SCFD1: variants seen among roughly 807,000 people sequenced by gnomAD.
SCFD1 encodes the protein sec1 family domain containing 1, also known as sec1 family domain-containing protein 1.
SCFD1 carries 37 observed loss-of-function variants against 103.2 expected under a neutral mutation model. The observed-to-expected ratio is 0.36, with a 90% CI of 0.28 to 0.47. The LOEUF is 0.47. Ranked by LOEUF, SCFD1 falls within the 20% of genes least tolerant of loss-of-function variation. The pLI is 1.00. For missense variants in SCFD1, 639 were observed against 761.2 expected, an observed-to-expected ratio of 0.84 and a Z score of 1.89; for synonymous variants, 264 against 245.0, an observed-to-expected ratio of 1.08 and a Z score of -0.73.
At chr14:30,674,675 A>G (rs1198770865) in intron 13 of SCFD1, among the ~76,000 whole-genome samples, 2 of 152,126 alleles carry the variant, frequency 1.3e-5, no homozygotes, top group Non-Finnish European at 2.9e-5. Flanking sequence ...AATGTGTTTT[A>G]GAAATACAGA....
intron 9 of SCFD1, 101 bp from the exon 10 acceptor site, chr14:30,653,388 T>A (rs1886586808): frequency 1.4e-6 from 1 of 729,868 alleles, no homozygotes; most frequent in Non-Finnish European, 2.4e-6. Flanking sequence ...TAGCATACTA[T>A]TATTCATATC....
Position 30,722,560 on chromosome 14 carries a change from G to T in SCFD1, c.1836+1G>T. ...TCAGAATCTTGTTGACTACATAAAG[G>T]TACATTTTATTTAGCCTTTTTATTC... On this transcript the variant is annotated splice_donor_variant, in intron 23 of 24. Coordinates refer to ENST00000458591, the MANE Select transcript of SCFD1 (RefSeq NM_016106.4). LOFTEE classifies it high-confidence loss of function. The T allele has an allele frequency of 6.3e-7, 1 of 1,586,642 alleles. No homozygotes were observed. The highest frequency in any genetic ancestry group is 8.6e-7 in the Non-Finnish European group (1 of 1,162,484).
At chr14:30,668,640 A>C (rs897144164) in intron 10 of SCFD1, among the ~76,000 whole-genome samples, 1 of 152,228 alleles carries the variant, frequency 6.6e-6, no homozygotes, top group Non-Finnish European at 1.5e-5. Flanking sequence ...AAATTTTTAC[A>C]ATCTACCCAT....
intron 3 of SCFD1, among the ~76,000 whole-genome samples, chr14:30,633,672 G>C (rs1237905775): frequency 1.3e-5 from 2 of 152,164 alleles, no homozygotes; most frequent in South Asian, 2.1e-4. Flanking sequence ...CATTCAAGGA[G>C]AGTGTTGGTA....
At chr14:30,632,013 A>C (rs1214429231) in intron 3 of SCFD1, among the ~76,000 whole-genome samples, 1 of 140,866 alleles carries the variant, frequency 7.1e-6, no homozygotes, top group Non-Finnish European at 1.5e-5. Flanking sequence ...GTGACACTAC[A>C]CTCTGGCCTG....
At chr14:30,639,481 T>C (rs1446993226) in intron 5 of SCFD1, among the ~76,000 whole-genome samples, 1 of 152,230 alleles carries the variant, frequency 6.6e-6, no homozygotes, top group Non-Finnish European at 1.5e-5. Context: ...TCAAAATTGA[T>C]ATCCATTCCC....
At chr14:30,668,547 A>G (rs2139193236) in intron 10 of SCFD1, among the ~76,000 whole-genome samples, 1 of 152,296 alleles carries the variant, frequency 6.6e-6, no homozygotes, top group Admixed American at 6.5e-5. Flanking sequence ...AAATAGACAA[A>G]TGGGATCTAA....
At chr14:30,732,645 C>T (rs577537990) in intron 23 of SCFD1, among the ~76,000 whole-genome samples, 18 of 152,138 alleles carry the variant, frequency 1.2e-4, no homozygotes, top group Non-Finnish European at 2.2e-4. Context: ...ACTAAACATG[C>T]GACTATGCCT....
At chr14:30,723,521 AT>A (rs1257160996) in intron 23 of SCFD1, among the ~76,000 whole-genome samples, 6 of 152,050 alleles carry the variant, frequency 3.9e-5, no homozygotes, top group Non-Finnish European at 8.8e-5. Flanking sequence ...CCTAGTACCC[AT>A]TTGTTATTTT....
intron 1 of SCFD1, 113 bp from the exon 2 acceptor site, chr14:30,628,096 C>G (rs1255260466): frequency 1.5e-6 from 1 of 657,672 alleles, no homozygotes; most frequent in Non-Finnish European, 2.6e-6. Flanking sequence ...TTTGGTTAAT[C>G]AGTTTTACTA....
At chr14:30,707,819 G>C (rs1441462673) in intron 18 of SCFD1, 171 bp from the exon 19 acceptor site, 1 of 694,396 alleles carries the variant, frequency 1.4e-6, no homozygotes, top group Non-Finnish European at 2.7e-6. Context: ...AATTGCAGCT[G>C]TGATACCCAT....
intron 13 of SCFD1, among the ~76,000 whole-genome samples, chr14:30,674,693 T>C (rs889898758): frequency 2.0e-5 from 3 of 152,148 alleles, no homozygotes; most frequent in Non-Finnish European, 4.4e-5. Context: ...AGATAACGCA[T>C]GTTTCCATTA....
intron 17 of SCFD1, 69 bp downstream of exon 17, chr14:30,702,444 A>G: frequency 1.1e-6 from 1 of 925,976 alleles, no homozygotes; most frequent in East Asian, 2.6e-5. Context: ...TTCCCAAGAA[A>G]ATGGGAATGC....
chr14:30,668,928 T>C (rs899065279), intron 10 of SCFD1, among the ~76,000 whole-genome samples: 1 of 152,038 alleles, frequency 6.6e-6, no homozygotes, highest in African/African-American at 2.4e-5. Context: ...TGTGGAGAAA[T>C]AGGAACGCTT....
Position 30,735,687 on chromosome 14 carries a change from G to A in SCFD1, c.*78G>A, listed in dbSNP as rs1893797371. 6 of 1,065,422 alleles carry A rather than the reference G, an allele frequency of 5.6e-6. No homozygotes were observed. The South Asian group carries it at 5.8e-5, about 10-fold the overall frequency. The allele number at this position is 1,065,422 out of a possible 1,614,324, so 66.0% of individuals were successfully genotyped here. ...AGAAGAAAAGTTAGAAGAGCAATAT[G>A]TTTCCTTCTCTGTAACAGTGTCCTA... is the stretch of plus-strand genomic sequence containing the variant. On this transcript the variant is annotated 3_prime_UTR_variant, in exon 25 of 25. Transcript: ENST00000458591.
intron 7 of SCFD1, among the ~76,000 whole-genome samples, chr14:30,646,139 C>G (rs1885803333): frequency 6.6e-6 from 1 of 152,186 alleles, no homozygotes; most frequent in Non-Finnish European, 1.5e-5. Flanking sequence ...AATTCTGCCT[C>G]AGCCTCCCGA....
chr14:30,623,882 C>T (rs1779879529), intron 1 of SCFD1, among the ~76,000 whole-genome samples: 4 of 152,100 alleles, frequency 2.6e-5, no homozygotes, highest in Admixed American at 1.3e-4. Context: ...CTATTTCCCT[C>T]ATGCCTATGG....
At chr14:30,730,935 T>C (rs1893415024) in intron 23 of SCFD1, among the ~76,000 whole-genome samples, 1 of 152,118 alleles carries the variant, frequency 6.6e-6, no homozygotes, top group African/African-American at 2.4e-5. Flanking sequence ...CATGTCTATG[T>C]CCTGAATGGT....
intron 4 of SCFD1, among the ~76,000 whole-genome samples, chr14:30,636,949 G>A (rs1293489142): frequency 2.0e-5 from 3 of 151,696 alleles, no homozygotes; most frequent in African/African-American, 7.3e-5. Context: ...TTACTTTCTG[G>A]CACAATAAGA....
Sources: allele counts gnomAD v4.1 joint callset (sites outside exome capture counted in the v4.1 genomes callset), GRCh38; gene constraint gnomAD v4.1.1; transcripts MANE v1.5; gene names NCBI Gene and HGNC (gene_info 2026-07-23, HGNC 2026-07-21).